The following NAALADL2 variants were observed in gnomAD, a reference collection of about 807,000 sequenced individuals.
NAALADL2 encodes inactive N-acetylated-alpha-linked acidic dipeptidase-like protein 2.
Under a neutral mutation model 87.2 loss-of-function variants are expected in NAALADL2, and 76 were observed. The ratio of observed to expected loss-of-function variants is 0.87; its 90% CI spans 0.72 to 1.05. The LOEUF is 1.05. Among genes scored for constraint, NAALADL2 ranks in the 50% least tolerant of loss-of-function variants. NAALADL2 has a pLI of 0.00. For synonymous variants in NAALADL2, 354 were observed against 331.0 expected, an observed-to-expected ratio of 1.07 and a Z score of -0.75; for missense variants, 1,089 against 945.8, an observed-to-expected ratio of 1.15 and a Z score of -1.99.
At chr3:174,602,682 T>C (rs1699144544) in intron 2 of NAALADL2, among the ~76,000 whole-genome samples, 1 of 152,036 alleles carries the variant, frequency 6.6e-6, no homozygotes, top group Non-Finnish European at 1.5e-5. Context: ...ACTGTGATGA[T>C]GGTGATCATC....
intron 2 of NAALADL2, among the ~76,000 whole-genome samples, chr3:175,231,344 G>A (rs1037678604): frequency 8.6e-5 from 13 of 151,960 alleles, no homozygotes; most frequent in Admixed American, 2.6e-4. Context: ...CATCGTATAC[G>A]TTGTATATTA....
intron 2 of NAALADL2, among the ~76,000 whole-genome samples, chr3:174,609,141 T>G (rs1468560886): frequency 6.6e-6 from 1 of 152,264 alleles, no homozygotes; most frequent in Non-Finnish European, 1.5e-5. Context: ...TCTCAATAAA[T>G]TAGGTATTGA....
At chr3:175,153,469 TAC>T (rs1455640218) in intron 2 of NAALADL2, among the ~76,000 whole-genome samples, 1 of 152,316 alleles carries the variant, frequency 6.6e-6, no homozygotes, top group Non-Finnish European at 1.5e-5. Flanking sequence ...GCTCTTCATA[TAC>T]AGTTTTTTAG....
At chr3:175,601,870 T>A (rs1370613288) in intron 10 of NAALADL2, among the ~76,000 whole-genome samples, 4 of 152,214 alleles carry the variant, frequency 2.6e-5, no homozygotes, top group Non-Finnish European at 5.9e-5. Context: ...AGTTATATTG[T>A]AGAAATATTT....
rs569310410 is a variant in NAALADL2 at position 174,572,032 on chromosome 3, G to A, written c.-115+21395G>A. On this transcript the variant is annotated intron_variant, in intron 2 of 3. Transcript: ENST00000434257. ...TACCGCAGGTAGAATAACCTTGATA[G>A]CAAAACCGGACAAGGAAAATATTAC... 1.2e-4 allele frequency among the ~76,000 whole-genome samples: 18 copies of A among 152,222 alleles called. No individual in the cohort carries two copies. The East Asian group carries it at 3.5e-3, about 29-fold the overall frequency.
At chr3:174,457,512 T>G (rs990726272) in intron 1 of NAALADL2, among the ~76,000 whole-genome samples, 18 of 152,110 alleles carry the variant, frequency 1.2e-4, no homozygotes, top group Non-Finnish European at 1.5e-4. Flanking sequence ...TGGAATACAA[T>G]GCAGCCATAC....
intron 1 of NAALADL2, among the ~76,000 whole-genome samples, chr3:174,524,961 G>A (rs911683393): frequency 2.0e-5 from 3 of 152,164 alleles, no homozygotes; most frequent in African/African-American, 7.2e-5. Flanking sequence ...CAAACACTTA[G>A]CATTGCATTA....
chr3:175,621,516 A>G (rs1018578066), intron 10 of NAALADL2, among the ~76,000 whole-genome samples: 4 of 152,162 alleles, frequency 2.6e-5, no homozygotes, highest in African/African-American at 7.2e-5. Context: ...CCTCTAATAC[A>G]GTTTCCGGTA....
intron 2 of NAALADL2, among the ~76,000 whole-genome samples, chr3:174,710,617 G>A (rs1045834130): frequency 2.0e-5 from 3 of 151,984 alleles, no homozygotes; most frequent in African/African-American, 7.3e-5. Context: ...TAGTGATGAG[G>A]CACAAGAAAG....
chr3:175,162,338 T>C (rs1384648114), intron 2 of NAALADL2, among the ~76,000 whole-genome samples: 5 of 152,128 alleles, frequency 3.3e-5, no homozygotes, highest in Non-Finnish European at 5.9e-5. Context: ...TGCACTGCAA[T>C]AGATTGTGTT....
At chr3:174,590,354 G>A (rs115611339) in intron 2 of NAALADL2, among the ~76,000 whole-genome samples, 2,879 of 152,024 alleles carry the variant, frequency 0.019, 101 homozygotes, top group African/African-American at 0.065. Flanking sequence ...GTAGTATTTA[G>A]CATCTATGCA....
intron 2 of NAALADL2, among the ~76,000 whole-genome samples, chr3:175,195,925 G>T (rs1167147245): frequency 4.6e-5 from 7 of 151,894 alleles, no homozygotes; most frequent in African/African-American, 1.7e-4. Context: ...CTTTAAAGAT[G>T]CTTATGACCC....
chr3:174,785,668 C>T (rs1423369929), intron 3 of NAALADL2, among the ~76,000 whole-genome samples: 1 of 152,100 alleles, frequency 6.6e-6, no homozygotes, highest in African/African-American at 2.4e-5. Flanking sequence ...TGTGTTGCTA[C>T]ATTTCAATTG....
intron 3 of NAALADL2, among the ~76,000 whole-genome samples, chr3:174,843,267 G>A (rs1167510303): frequency 6.6e-6 from 1 of 151,344 alleles, no homozygotes; most frequent in East Asian, 1.9e-4. Flanking sequence ...CCCTTCCCCA[G>A]TCTCTGTTAA....
At chr3:175,522,710 A>G (rs185381544) in intron 9 of NAALADL2, among the ~76,000 whole-genome samples, 130 of 152,324 alleles carry the variant, frequency 8.5e-4, no homozygotes, top group Non-Finnish European at 1.5e-3. Context: ...CTCAGTACAC[A>G]TTTAGTATAC....
chr3:174,730,693 TTATG>T (rs1256325166), intron 2 of NAALADL2, among the ~76,000 whole-genome samples: 1 of 152,106 alleles, frequency 6.6e-6, no homozygotes, highest in Non-Finnish European at 1.5e-5. Flanking sequence ...TTTTTAACCT[TTATG>T]TAGAGACTCT....
chr3:174,847,873 A>G (rs1479186653), intron 3 of NAALADL2, among the ~76,000 whole-genome samples: 2 of 151,812 alleles, frequency 1.3e-5, no homozygotes, highest in Non-Finnish European at 2.9e-5. Flanking sequence ...AGGTAGCTGA[A>G]CATAGAATTT....
At chr3:175,547,728 T>C (rs1284562348) in intron 9 of NAALADL2, among the ~76,000 whole-genome samples, 1 of 151,504 alleles carries the variant, frequency 6.6e-6, no homozygotes, top group Non-Finnish European at 1.5e-5. Context: ...ATACAACCCA[T>C]AAAGTAGTGG....
At chr3:175,012,090 C>G (rs1041416168) in intron 1 of NAALADL2, among the ~76,000 whole-genome samples, 5 of 152,122 alleles carry the variant, frequency 3.3e-5, no homozygotes, top group Admixed American at 2.0e-4. Context: ...AAGCAAAATT[C>G]CCTATACGGG....
Sources: gnomAD v4.1 joint callset for allele counts (sites outside exome capture counted in the v4.1 genomes callset) on GRCh38, gnomAD v4.1.1 for gene constraint, MANE v1.5 for transcripts, NCBI Gene and HGNC (gene_info 2026-07-23, HGNC 2026-07-21) for gene names.